The following SCN2A variants were observed in gnomAD, a reference collection of about 807,000 sequenced individuals.
SCN2A encodes the protein sodium channel protein type 2 subunit alpha.
A neutral mutation model predicts 188.7 loss-of-function variants in SCN2A; 20 were observed. The observed-to-expected ratio is 0.11, with a 90% CI of 0.07 to 0.15. The LOEUF (loss-of-function observed/expected upper bound fraction) is 0.15, where lower values mean the gene tolerates loss of function less well. Among genes scored for constraint, SCN2A ranks in the 10% least tolerant of loss-of-function variants. The pLI, the probability that SCN2A is intolerant of heterozygous loss-of-function variation, is 1.00. For synonymous variants in SCN2A, 804 were observed against 833.1 expected, an observed-to-expected ratio of 0.97 and a Z score of 0.60; for missense variants, 1,278 against 2,445.0, an observed-to-expected ratio of 0.52 and a Z score of 10.07.
At chr2:165,314,584 T>A (rs1333519109) in intron 10 of SCN2A, among the ~76,000 whole-genome samples, 2 of 152,192 alleles carry the variant, frequency 1.3e-5, no homozygotes, top group Admixed American at 1.3e-4. Context: ...CAATATTTGT[T>A]CTCTTTTATA....
At chr2:165,291,577 CT>C (rs1696202761) in intron 1 of SCN2A, among the ~76,000 whole-genome samples, 2 of 86,918 alleles carry the variant, frequency 2.3e-5, no homozygotes, top group African/African-American at 6.8e-5. Context: ...TCCTTCCTTT[CT>C]CTCTCTCTCT....
intron 1 of SCN2A, among the ~76,000 whole-genome samples, chr2:165,254,802 T>C (rs1237056046): frequency 1.3e-5 from 2 of 151,802 alleles, no homozygotes; most frequent in African/African-American, 4.8e-5. Context: ...TTAACAGCTT[T>C]GCATAATAAC....
At chr2:165,285,216 G>A (rs1032857662) in intron 1 of SCN2A, 3 of 153,170 alleles carry the variant, frequency 2.0e-5, no homozygotes, top group African/African-American at 7.2e-5. Flanking sequence ...AACCAGGGCT[G>A]GGTGTGGGCA....
In SCN2A at chr2:165,390,076, G is replaced by A. The variant is rs111786814; in HGVS notation, c.*252G>A. On this transcript the variant is annotated 3_prime_UTR_variant, in exon 27 of 27. Coordinates refer to ENST00000375437, the MANE Select transcript of SCN2A (RefSeq NM_001040142.2). ...GCTGACACTGCTGAAGAGCAGAGGC[G>A]TAATGGCTACTCAGACGATAGGAAC... The A allele has an allele frequency of 6.2e-5, 31 of 499,042 alleles. No individual in the cohort carries two copies. The highest frequency in any genetic ancestry group is 1.9e-4 in the Admixed American group (5 of 26,548). The allele number at this position is 499,042 out of a possible 1,614,324, so 30.9% of individuals were successfully genotyped here. A position where few individuals can be genotyped will look rare whatever the true frequency, so the allele number is the denominator to read the frequency against.
chr2:165,365,286 T>C lies in SCN2A; in HGVS notation c.3520+23T>C, dbSNP rs368423168. 30 of 1,613,066 alleles carry C rather than the reference T, an allele frequency of 1.9e-5. No individual in the cohort carries two copies. The African/African-American group carries it at 3.6e-4, about 19-fold the overall frequency. ...AAGGTAAGCAAAACAATAACATATG[T>C]GGTCTTGAGTATCCTCTTTTCTACC... On this transcript the variant is annotated intron_variant, in intron 18 of 26. Coordinates refer to ENST00000375437, the MANE Select transcript of SCN2A (RefSeq NM_001040142.2).
chr2:165,285,217 G>A (rs1053146838), intron 1 of SCN2A: 2 of 153,180 alleles, frequency 1.3e-5, no homozygotes, highest in African/African-American at 4.8e-5. Context: ...ACCAGGGCTG[G>A]GTGTGGGCAG....
At chr2:165,343,640 A>G (rs1051739129) in intron 15 of SCN2A, among the ~76,000 whole-genome samples, 9 of 152,160 alleles carry the variant, frequency 5.9e-5, no homozygotes, top group African/African-American at 2.2e-4. Flanking sequence ...TTTCAGCCTG[A>G]CATTTACTGA....
At chr2:165,264,494 C>T (rs1335703365) in intron 1 of SCN2A, among the ~76,000 whole-genome samples, 1 of 152,076 alleles carries the variant, frequency 6.6e-6, no homozygotes, top group Admixed American at 6.6e-5. Flanking sequence ...CAGACGACAT[C>T]ATAGTGAATG....
intron 1 of SCN2A, among the ~76,000 whole-genome samples, chr2:165,288,499 A>G (rs1695955632): frequency 1.3e-5 from 2 of 151,788 alleles, no homozygotes; most frequent in Non-Finnish European, 2.9e-5. Context: ...AATAAACTAT[A>G]AAAAATAAGT....
rs566621957 is a variant in SCN2A, at chr2:165,380,442, G to A, written c.4309-150G>A. 4.1e-4 allele frequency: 244 copies of A among 595,826 alleles called. 4 individuals carry two copies. The South Asian group carries it at 4.4e-3, about 11-fold the overall frequency. 36.9% of individuals were successfully genotyped at this position (595,826 alleles called of 1,614,324 possible). On this transcript the variant is annotated intron_variant, in intron 23 of 26. Coordinates refer to ENST00000375437, the MANE Select transcript of SCN2A (RefSeq NM_001040142.2). ...TCTTGCAGAACTCTTCAATAAGCAT[G>A]TGAGATTTGAAGGTTCATAAAATCT...
In SCN2A at chr2:165,257,711, A is replaced by G. The variant is rs149638736; in HGVS notation, c.-52+18071A>G. Among the ~76,000 whole-genome samples the G allele has an allele frequency of 3.5e-3, 532 of 151,858 alleles. 2 individuals are homozygous for G. The highest frequency in any genetic ancestry group is 0.012 in the African/African-American group (501 of 41,412). On this transcript the variant is annotated intron_variant, in intron 1 of 26. Coordinates refer to ENST00000375437, the MANE Select transcript of SCN2A (RefSeq NM_001040142.2). Reference sequence around the variant, plus strand: ...CCCTCACCAGGCCCAGCTAATTTCTATATTTTTATAGAGATGGGTTTTCAC... The same window carrying G: ...CCCTCACCAGGCCCAGCTAATTTCTGTATTTTTATAGAGATGGGTTTTCAC...
intron 3 of SCN2A, among the ~76,000 whole-genome samples, chr2:165,299,636 G>C (rs2043255): frequency 0.23 from 35,719 of 152,116 alleles, 4,482 homozygotes; most frequent in East Asian, 0.36. Flanking sequence ...GCCCAGTAAA[G>C]TTAGAGGTAT....
chr2:165,316,217 CA>C (rs1299129106), intron 11 of SCN2A, among the ~76,000 whole-genome samples: 1 of 152,066 alleles, frequency 6.6e-6, no homozygotes, highest in Non-Finnish European at 1.5e-5. Flanking sequence ...GCCTTTGTTT[CA>C]AAGGGGACTG....
At chr2:165,340,531 A>C (rs2105310975) in intron 14 of SCN2A, among the ~76,000 whole-genome samples, 1 of 152,330 alleles carries the variant, frequency 6.6e-6, no homozygotes, top group Admixed American at 6.5e-5. Context: ...TGCCTGGGAG[A>C]TAGTCTTTCA....
rs1702044174 is a variant in SCN2A, at chr2:165,389,561, T to A, written c.5755T>A (p.Tyr1919Asn). The A allele has an allele frequency of 6.2e-7, 1 of 1,613,828 alleles. No homozygotes were observed. The highest frequency in any genetic ancestry group is 1.3e-5 in the African/African-American group (1 of 74,884). The change falls in exon 27 of 27, where the codon TAC (tyrosine) becomes AAC (asparagine). Residue 1919 changes from tyrosine to asparagine, a missense_variant. Around this residue, in one of 17 missense-constraint regions of SCN2A, gnomAD observed 109 missense variants for 137.9 expected, o/e 0.79. Coordinates refer to ENST00000375437, the MANE Select transcript of SCN2A (RefSeq NM_001040142.2). This position sits in a 1 kb window ranked among gnomAD's most constrained non-coding sequence, Gnocchi z 4.2. Reference protein sequence around the residue: ...AIIIQRAYRRYLLKQKVKKVS... With the variant: ...AIIIQRAYRRNLLKQKVKKVS... ...TATTATCCAGAGGGCTTACAGACGC[T>A]ACCTCTTGAAGCAAAAAGTTAAAAA... is the stretch of plus-strand genomic sequence containing the variant.
At chr2:165,336,059 C>T (rs1462185292) in intron 14 of SCN2A, among the ~76,000 whole-genome samples, 1 of 151,798 alleles carries the variant, frequency 6.6e-6, no homozygotes, top group Non-Finnish European at 1.5e-5. Context: ...TACCACTTCA[C>T]ACACACTAAG....
chr2:165,386,276 C>A (rs1574745153), intron 25 of SCN2A, among the ~76,000 whole-genome samples: 1 of 151,800 alleles, frequency 6.6e-6, no homozygotes, highest in Non-Finnish European at 1.5e-5. Flanking sequence ...CCAGCCTGAC[C>A]AATACGGTGA....
rs557837123 is a variant in SCN2A, at chr2:165,370,640, C to T, written c.3849+341C>T. 1.8e-4 allele frequency: 48 copies of T among 272,500 alleles called. 1 individual carries two copies. Among genetic ancestry groups the T allele is most frequent in the Non-Finnish European group, 9.3e-5 (13 of 139,242 alleles). 16.9% of individuals were successfully genotyped at this position (272,500 alleles called of 1,614,324 possible). ...AACTTGTATTTAAATTTTTCACAGG[C>T]ATCTTTGACATTAGTATGTTTGTCA... On this transcript the variant is annotated intron_variant, in intron 20 of 26. Coordinates refer to ENST00000375437, the MANE Select transcript of SCN2A (RefSeq NM_001040142.2).
In SCN2A at chr2:165,392,094, T is replaced by C. The variant is rs1702141891; in HGVS notation, c.*2270T>C. The C allele has an allele frequency of 6.6e-6, 1 of 152,536 alleles. No individual in the cohort carries two copies. The highest frequency in any genetic ancestry group is 1.5e-5 in the Non-Finnish European group (1 of 67,978). The allele number at this position is 152,536 out of a possible 1,614,324, so 9.4% of individuals were successfully genotyped here. ...CTATCTTTGAAATGCCATTTAAAGG[T>C]AGATTTCTATCATGTAAAAATAATC... is the stretch of plus-strand genomic sequence containing the variant. On this transcript the variant is annotated 3_prime_UTR_variant, in exon 27 of 27. Transcript: ENST00000375437.
Sources: allele counts gnomAD v4.1 joint callset (sites outside exome capture counted in the v4.1 genomes callset), GRCh38; gene constraint gnomAD v4.1.1; regional missense constraint gnomAD v4.1.1; non-coding constraint Gnocchi (gnomAD v3.1); transcripts MANE v1.5; gene names NCBI Gene and HGNC (gene_info 2026-07-23, HGNC 2026-07-21).